Variants in C8orf89 observed in about 807,000 individuals in gnomAD.
C8orf89 encodes the protein putative uncharacterized protein C8orf89.
C8orf89 carries 14 observed loss-of-function variants against 15.8 expected under a neutral mutation model. The observed-to-expected ratio is 0.89, with a 90% CI of 0.59 to 1.39. The LOEUF (loss-of-function observed/expected upper bound fraction) is 1.39, where lower values mean the gene tolerates loss of function less well. Ranked by LOEUF, C8orf89 falls within the 40% of genes most tolerant of loss-of-function variation. The probability of loss-of-function intolerance (pLI) is 0.00; values close to 1 mark genes in which losing one functional copy is unlikely to be tolerated. For missense variants in C8orf89, 181 were observed against 184.5 expected (o/e 0.98, Z 0.11); for synonymous variants, 55 against 62.2 (o/e 0.88, Z 0.54).
chr8:73,246,776 A>G (rs1244139939), intron 3 of C8orf89, among the ~76,000 whole-genome samples: 2 of 152,248 alleles, frequency 1.3e-5, no homozygotes, highest in African/African-American at 4.8e-5. Context: ...GAGAGAAAAC[A>G]TCCAAGGAAA....
chr8:73,269,873 CA>C, the C8orf89 span, among the ~76,000 whole-genome samples: 2 of 152,212 alleles, frequency 1.3e-5, no homozygotes, highest in East Asian at 3.9e-4. Flanking sequence ...AATTCTTAAA[CA>C]AAAATTTTAA....
At chr8:73,284,635 AAAAGT>A in the C8orf89 span, among the ~76,000 whole-genome samples, 2 of 152,350 alleles carry the variant, frequency 1.3e-5, no homozygotes, top group African/African-American at 2.4e-5. Context: ...ACAAGGATTA[AAAAGT>A]AAAGAAAGGC....
chr8:73,265,328 A>G, the C8orf89 span, among the ~76,000 whole-genome samples: 8 of 152,212 alleles, frequency 5.3e-5, no homozygotes, highest in African/African-American at 1.9e-4. Flanking sequence ...GGGCTTTATA[A>G]GTCATAACAG....
At chr8:73,285,634 G>T in the C8orf89 span, among the ~76,000 whole-genome samples, 1 of 152,236 alleles carries the variant, frequency 6.6e-6, no homozygotes, top group East Asian at 1.9e-4. Context: ...CTGCACCGAG[G>T]GGAGGGATTT....
At chr8:73,265,584 G>C in the C8orf89 span, among the ~76,000 whole-genome samples, 1 of 152,190 alleles carries the variant, frequency 6.6e-6, no homozygotes, top group East Asian at 1.9e-4. Context: ...TGACACAGAG[G>C]TATCAAAAGA....
At chr8:73,257,480 T>A (rs931257870) in intron 1 of C8orf89, among the ~76,000 whole-genome samples, 3 of 152,242 alleles carry the variant, frequency 2.0e-5, no homozygotes, top group Admixed American at 6.5e-5. Flanking sequence ...TCTGATATTA[T>A]CTAGCACTTA....
chr8:73,263,377 T>C (rs146809632), upstream of C8orf89, among the ~76,000 whole-genome samples: 4,749 of 152,162 alleles, frequency 0.031, 79 homozygotes, highest in Non-Finnish European at 0.037. Flanking sequence ...TAGCCATGTG[T>C]GGTGGTGCAC....
chr8:73,267,647 C>T, the C8orf89 span, among the ~76,000 whole-genome samples: 4 of 152,060 alleles, frequency 2.6e-5, no homozygotes, highest in Non-Finnish European at 5.9e-5. Flanking sequence ...TGGAGCTTGG[C>T]AATTATGACG....
At chr8:73,243,369 G>A (rs777636773) in intron 3 of C8orf89, among the ~76,000 whole-genome samples, 2 of 152,128 alleles carry the variant, frequency 1.3e-5, no homozygotes, top group Admixed American at 6.5e-5. Flanking sequence ...CTCCATTCAC[G>A]TGAATGTGAT....
intron 2 of C8orf89, among the ~76,000 whole-genome samples, chr8:73,251,837 A>G (rs1813256596): frequency 6.6e-6 from 1 of 152,204 alleles, no homozygotes; most frequent in African/African-American, 2.4e-5. Context: ...GATGCAAAGT[A>G]CAAAGTCCAT....
intron 2 of C8orf89, among the ~76,000 whole-genome samples, chr8:73,250,912 C>T (rs1007215811): frequency 5.3e-5 from 8 of 152,068 alleles, no homozygotes; most frequent in South Asian, 2.1e-4. Flanking sequence ...AATTTTCCTG[C>T]GTCAGCTTCT....
the C8orf89 span, among the ~76,000 whole-genome samples, chr8:73,279,522 G>C: frequency 6.6e-6 from 1 of 152,136 alleles, no homozygotes; most frequent in Non-Finnish European, 1.5e-5. Context: ...AGGTCAATAA[G>C]GGGATGTTTT....
At chr8:73,263,187 G>T (rs7017050), upstream of C8orf89, among the ~76,000 whole-genome samples, 1 of 152,048 alleles carries the variant, frequency 6.6e-6, no homozygotes, top group Non-Finnish European at 1.5e-5. Flanking sequence ...TATTTTTAAG[G>T]CACCCCCAAA....
upstream of C8orf89, among the ~76,000 whole-genome samples, chr8:73,262,832 GA>G (rs1563535108): frequency 2.7e-5 from 4 of 149,344 alleles, no homozygotes; most frequent in Non-Finnish European, 5.9e-5. Flanking sequence ...AAAAAAAATT[GA>G]AAAAAATCAA....
chr8:73,265,345 G>T, the C8orf89 span, among the ~76,000 whole-genome samples: 1 of 152,158 alleles, frequency 6.6e-6, no homozygotes, highest in Non-Finnish European at 1.5e-5. Context: ...ACAGAGTTTG[G>T]ATTTTATTCT....
chr8:73,250,307 CCT>C lies in C8orf89; in HGVS notation c.296_297del (p.Lys99ArgfsTer19). The part of the protein sequence containing the change: ...EVSAVRLKKT[K>X]ETCSVAPLWE... The stretch of plus-strand genomic sequence containing the variant: ...CAAAGTGGTGCCACACTGCATGTCT[CCT>C]TAGTCTTCTTTAGCCTGAATATTAT... On this transcript the variant is annotated frameshift_variant, in exon 3 of 4. Transcript: ENST00000624510. LOFTEE classifies it low-confidence loss of function (END_TRUNC). The C allele has an allele frequency of 6.5e-7, 1 of 1,531,252 alleles. No individual in the cohort carries two copies. Among genetic ancestry groups the C allele is most frequent in the Non-Finnish European group, 8.7e-7 (1 of 1,143,230 alleles). The allele number at this position is 1,531,252 out of a possible 1,614,324, so 94.9% of individuals were successfully genotyped here. A position where few individuals can be genotyped will look rare whatever the true frequency, so the allele number is the denominator to read the frequency against.
At chr8:73,257,202 A>C (rs1813415191) in intron 1 of C8orf89, 76 bp from the exon 2 acceptor site, 1 of 880,258 alleles carries the variant, frequency 1.1e-6, no homozygotes, top group South Asian at 2.2e-5. Context: ...ACACATAATA[A>C]AATACACAAA....
At chr8:73,256,714 G>A (rs150148028) in intron 2 of C8orf89, among the ~76,000 whole-genome samples, 2,206 of 116,578 alleles carry the variant, frequency 0.019, 69 homozygotes, top group African/African-American at 0.073. Flanking sequence ...GCAAAACAGC[G>A]AGACTCTGTC....
At chr8:73,256,726 C>CAAAAAAAAAAAAAAAA (rs11288188) in intron 2 of C8orf89, among the ~76,000 whole-genome samples, 4 of 43,704 alleles carry the variant, frequency 9.2e-5, no homozygotes, top group African/African-American at 3.1e-4. Flanking sequence ...GACTCTGTCT[C>CAAAAAAAAAAAAAAAA]AAAAAAAAAA....
Sources: allele counts gnomAD v4.1 joint callset (sites outside exome capture counted in the v4.1 genomes callset), GRCh38; gene constraint gnomAD v4.1.1; transcripts MANE v1.5; gene names NCBI Gene and HGNC (gene_info 2026-07-23, HGNC 2026-07-21).